Variants in NCAM2 observed in about 807,000 individuals in gnomAD.
NCAM2 encodes N-CAM-2.
In NCAM2, 30 loss-of-function variants were observed where a neutral mutation model predicts 98.1. That is an observed-to-expected ratio of 0.31 (90% CI 0.23 to 0.41). The LOEUF (loss-of-function observed/expected upper bound fraction) is 0.41. NCAM2 is among the 10% of genes least tolerant of loss of function. The probability of loss-of-function intolerance (pLI) is 1.00; values close to 1 mark genes in which losing one functional copy is unlikely to be tolerated. For missense variants in NCAM2, 867 were observed against 1,005.8 expected, an observed-to-expected ratio of 0.86 and a Z score of 1.87; for synonymous variants, 368 against 342.4, an observed-to-expected ratio of 1.07 and a Z score of -0.83.
chr21:21,385,798 G>A (rs142733628), intron 9 of NCAM2: 37 of 279,020 alleles, frequency 1.3e-4, no homozygotes, highest in African/African-American at 6.4e-4. Context: ...ATTAAGTTTT[G>A]TGACTAGGTA....
intron 1 of NCAM2, among the ~76,000 whole-genome samples, chr21:21,114,801 G>A (rs1431384995): frequency 6.7e-6 from 1 of 150,158 alleles, no homozygotes; most frequent in African/African-American, 2.5e-5. Flanking sequence ...AACCTGATTC[G>A]CTCATTATGT....
chr21:21,214,962 A>G (rs1289373857), intron 1 of NCAM2, among the ~76,000 whole-genome samples: 1 of 151,850 alleles, frequency 6.6e-6, no homozygotes, highest in Admixed American at 6.6e-5. Flanking sequence ...AGTAGTACTG[A>G]AAGAAACTCT....
intron 1 of NCAM2, among the ~76,000 whole-genome samples, chr21:21,059,693 C>T (rs1279159641): frequency 6.6e-6 from 1 of 152,050 alleles, no homozygotes; most frequent in Non-Finnish European, 1.5e-5. Context: ...TTCTCGTTCT[C>T]TAAAATAGTG....
intron 1 of NCAM2, among the ~76,000 whole-genome samples, chr21:21,093,254 C>T (rs1460273760): frequency 6.6e-6 from 1 of 152,038 alleles, no homozygotes; most frequent in African/African-American, 2.4e-5. Context: ...TTTTCTGCCT[C>T]CTGGAAATAG....
intron 12 of NCAM2, among the ~76,000 whole-genome samples, chr21:21,433,765 T>TAAAATAAAATAAAATAAAAC (rs2077399258): frequency 7.1e-6 from 1 of 140,150 alleles, no homozygotes; most frequent in Admixed American, 7.1e-5. Context: ...TAAAATAAAA[T>TAAAATAAAATAAAATAAAAC]AAAATAAAAT....
At chr21:21,494,022 A>T (rs563732618) in intron 15 of NCAM2, among the ~76,000 whole-genome samples, 1 of 152,080 alleles carries the variant, frequency 6.6e-6, no homozygotes, top group South Asian at 2.1e-4. Flanking sequence ...AAATTGAAAT[A>T]TCTAAGATAG....
intron 17 of NCAM2, among the ~76,000 whole-genome samples, chr21:21,536,536 C>T (rs544895938): frequency 3.3e-5 from 5 of 152,046 alleles, no homozygotes; most frequent in East Asian, 1.9e-4. Context: ...GGATTACAGG[C>T]GCACGCTGCC....
At chr21:21,438,804 C>A (rs773371741) in intron 12 of NCAM2, among the ~76,000 whole-genome samples, 2 of 151,938 alleles carry the variant, frequency 1.3e-5, no homozygotes, top group Non-Finnish European at 2.9e-5. Flanking sequence ...AATGTTAGGC[C>A]AGGCATGGTG....
At chr21:21,276,372 A>G (rs1184863574) in intron 1 of NCAM2, among the ~76,000 whole-genome samples, 2 of 152,070 alleles carry the variant, frequency 1.3e-5, no homozygotes, top group Admixed American at 6.6e-5. Flanking sequence ...CTCTACTTAT[A>G]AGATTGTTAT....
chr21:21,164,319 T>C (rs536286359), intron 1 of NCAM2, among the ~76,000 whole-genome samples: 1 of 152,200 alleles, frequency 6.6e-6, no homozygotes, highest in Non-Finnish European at 1.5e-5. Flanking sequence ...TTACAAATAC[T>C]TTTTTGGAAA....
intron 15 of NCAM2, among the ~76,000 whole-genome samples, chr21:21,490,896 G>A (rs1158761748): frequency 3.3e-5 from 5 of 151,688 alleles, no homozygotes; most frequent in African/African-American, 4.8e-5. Context: ...TCCTATGCGT[G>A]TGTTTCATAG....
chr21:21,104,892 C>T (rs1360222432), intron 1 of NCAM2, among the ~76,000 whole-genome samples: 4 of 152,030 alleles, frequency 2.6e-5, no homozygotes, highest in African/African-American at 7.2e-5. Flanking sequence ...TTGATCACTT[C>T]CTCTGGGAGA....
intron 1 of NCAM2, among the ~76,000 whole-genome samples, chr21:21,078,651 G>A (rs905391402): frequency 6.6e-6 from 1 of 152,106 alleles, no homozygotes; most frequent in African/African-American, 2.4e-5. Context: ...ATCTAGACCA[G>A]CAATACCATT....
intron 1 of NCAM2, among the ~76,000 whole-genome samples, chr21:21,094,559 G>T (rs1569016502): frequency 6.6e-6 from 1 of 151,516 alleles, no homozygotes; most frequent in East Asian, 1.9e-4. Context: ...ATTTAGAATT[G>T]CATGTGTAAT....
chr21:21,463,264 T>G (rs1983231318), intron 12 of NCAM2, among the ~76,000 whole-genome samples: 1 of 152,108 alleles, frequency 6.6e-6, no homozygotes, highest in Non-Finnish European at 1.5e-5. Context: ...ATCCAGGCTT[T>G]GCCTCCTCCA....
chr21:21,128,534 G>C (rs1429321589), intron 1 of NCAM2, among the ~76,000 whole-genome samples: 2 of 152,062 alleles, frequency 1.3e-5, no homozygotes, highest in Non-Finnish European at 2.9e-5. Flanking sequence ...AATCATAATT[G>C]AGCATTTTAT....
rs552748363 is a variant in NCAM2 at position 21,372,160 on chromosome 21, A to G, written c.1045-1703A>G. Among the ~76,000 whole-genome samples, 19 of 152,008 alleles carry G rather than the reference A, an allele frequency of 1.2e-4. No individual in the cohort carries two copies. The South Asian group carries it at 3.9e-3, about 31-fold the overall frequency. On this transcript the variant is annotated intron_variant, in intron 8 of 17. Transcript: ENST00000400546. ...AATTGTTTGACAATTAAAATTGTCA[A>G]CAAAAACTTTTAGTTGCAAATAAAC...
chr21:21,506,582 A>G (rs941362308), intron 15 of NCAM2, among the ~76,000 whole-genome samples: 8 of 152,092 alleles, frequency 5.3e-5, no homozygotes, highest in Admixed American at 5.2e-4. Context: ...CTCATTCTAC[A>G]CTTGTTTATT....
chr21:21,452,302 T>C (rs544118020), intron 12 of NCAM2, among the ~76,000 whole-genome samples: 23 of 150,408 alleles, frequency 1.5e-4, no homozygotes, highest in African/African-American at 5.6e-4. Context: ...CTTGGTCATC[T>C]TAATTGAAAT....
Sources: allele counts gnomAD v4.1 joint callset (sites outside exome capture counted in the v4.1 genomes callset), GRCh38; gene constraint gnomAD v4.1.1; transcripts MANE v1.5; gene names NCBI Gene and HGNC (gene_info 2026-07-23, HGNC 2026-07-21).